The following PTPRR variants were observed in gnomAD, a reference collection of about 807,000 sequenced individuals.
The protein encoded by PTPRR is protein tyrosine phosphatase receptor type R, also known as receptor-type tyrosine-protein phosphatase R.
In PTPRR, 38 loss-of-function variants were observed where a neutral mutation model predicts 77.2. The observed-to-expected ratio is 0.49, with a 90% CI of 0.38 to 0.65. The LOEUF (loss-of-function observed/expected upper bound fraction) is 0.65, where lower values mean the gene tolerates loss of function less well. Ranked by LOEUF, PTPRR falls within the 30% of genes least tolerant of loss-of-function variation. PTPRR has a pLI of 0.00. For synonymous variants in PTPRR, 299 were observed against 283.1 expected, an observed-to-expected ratio of 1.06 and a Z score of -0.57; for missense variants, 744 against 799.2, an observed-to-expected ratio of 0.93 and a Z score of 0.83.
In PTPRR at chr12:70,742,791, T is replaced by G. The variant is rs981687349; in HGVS notation, c.1007+3027A>C. 2.0e-5 allele frequency among the ~76,000 whole-genome samples: 3 copies of G among 151,884 alleles called. No homozygotes were observed. The South Asian group carries it at 6.2e-4, about 32-fold the overall frequency. On this transcript the variant is annotated intron_variant, in intron 6 of 13. Coordinates refer to ENST00000283228, the MANE Select transcript of PTPRR (RefSeq NM_002849.4). The stretch of plus-strand genomic sequence containing the variant: ...GATTGGGGTTGGACGGGGGAAACAG[T>G]TGGGAGAAGGTGCCAGGTCTTCATA...
chr12:70,881,060 T>A (rs1490080406), intron 2 of PTPRR, among the ~76,000 whole-genome samples: 1 of 152,152 alleles, frequency 6.6e-6, no homozygotes, highest in Non-Finnish European at 1.5e-5. Flanking sequence ...TAGCAGCCCA[T>A]TCAAGTAGAT....
At chr12:70,656,524 G>A (rs1354584599) in intron 13 of PTPRR, among the ~76,000 whole-genome samples, 180 bp downstream of exon 13, 1 of 152,086 alleles carries the variant, frequency 6.6e-6, no homozygotes, top group East Asian at 1.9e-4. Context: ...GCAAGACCTT[G>A]TCTCAAAAAA....
chr12:70,766,496 A>C (rs1008959057), intron 2 of PTPRR, among the ~76,000 whole-genome samples: 2 of 152,156 alleles, frequency 1.3e-5, no homozygotes, highest in East Asian at 3.9e-4. Context: ...CAAAGCCTCC[A>C]AGAAATATGG....
At chr12:70,884,217 A>G (rs762338958) in intron 2 of PTPRR, among the ~76,000 whole-genome samples, 6 of 152,184 alleles carry the variant, frequency 3.9e-5, no homozygotes, top group Non-Finnish European at 7.3e-5. Context: ...AAACCTAAGC[A>G]TTTTGCTAAG....
intron 2 of PTPRR, among the ~76,000 whole-genome samples, chr12:70,843,272 G>C (rs768247240): frequency 1.1e-4 from 16 of 152,264 alleles, no homozygotes; most frequent in Admixed American, 5.9e-4. Context: ...CTCTGGTTAT[G>C]GTTCCTCTTA....
chr12:70,803,015 C>T (rs1197730842), intron 2 of PTPRR, among the ~76,000 whole-genome samples: 1 of 152,104 alleles, frequency 6.6e-6, no homozygotes, highest in East Asian at 1.9e-4. Context: ...TACATGCCCA[C>T]ATAGAATAGA....
intron 4 of PTPRR, among the ~76,000 whole-genome samples, chr12:70,755,654 T>C (rs1204962314): frequency 6.6e-6 from 1 of 152,194 alleles, no homozygotes; most frequent in Non-Finnish European, 1.5e-5. Flanking sequence ...GAATAGTATC[T>C]GGCCTACTTT....
intron 4 of PTPRR, 76 bp from the exon 5 acceptor site, chr12:70,754,377 T>G: frequency 6.3e-7 from 1 of 1,593,158 alleles, no homozygotes; most frequent in Non-Finnish European, 8.5e-7. Flanking sequence ...ACACTAAACA[T>G]ATTTTTAGCC....
chr12:70,886,543 C>T (rs1168366444), intron 2 of PTPRR, among the ~76,000 whole-genome samples: 1 of 151,868 alleles, frequency 6.6e-6, no homozygotes, highest in East Asian at 1.9e-4. Context: ...ATTTTGAATC[C>T]TGGGAATAGA....
chr12:70,833,651 G>C (rs2221908), intron 2 of PTPRR, among the ~76,000 whole-genome samples: 3,253 of 152,246 alleles, frequency 0.021, 110 homozygotes, highest in African/African-American at 0.074. Flanking sequence ...GCCTCAATTG[G>C]TGGGTACAAA....
chr12:70,824,278 A>G (rs1411380627), intron 2 of PTPRR, among the ~76,000 whole-genome samples: 1 of 152,208 alleles, frequency 6.6e-6, no homozygotes, highest in Non-Finnish European at 1.5e-5. Context: ...GGCACCTACC[A>G]TATAGTAATC....
chr12:70,919,774 C>A (rs547825653), intron 1 of PTPRR, among the ~76,000 whole-genome samples: 2 of 147,018 alleles, frequency 1.4e-5, no homozygotes, highest in African/African-American at 5.0e-5. Context: ...CCTTTTCTTC[C>A]TCTTATTGGC....
At chr12:70,672,905 C>A in intron 10 of PTPRR, 1 of 1,540,490 alleles carries the variant, frequency 6.5e-7, no homozygotes, top group Non-Finnish European at 8.8e-7. Context: ...GGCATCTGCT[C>A]CCACTCAGCT....
intron 6 of PTPRR, among the ~76,000 whole-genome samples, chr12:70,725,943 G>A (rs958446899): frequency 3.9e-5 from 6 of 151,998 alleles, no homozygotes; most frequent in South Asian, 2.1e-4. Context: ...ACATTACTGC[G>A]CCTGTTGAAC....
chr12:70,829,443 T>C (rs1352715570), intron 2 of PTPRR, among the ~76,000 whole-genome samples: 1 of 152,166 alleles, frequency 6.6e-6, no homozygotes, highest in Non-Finnish European at 1.5e-5. Flanking sequence ...TGTGAGATGA[T>C]GAAGCATCTG....
At chr12:70,830,935 A>G (rs149023057) in intron 2 of PTPRR, among the ~76,000 whole-genome samples, 108 of 152,360 alleles carry the variant, frequency 7.1e-4, no homozygotes, top group African/African-American at 2.5e-3. Context: ...ACGAATATTC[A>G]GTACCTAGCA....
At chr12:70,901,768 A>G (rs1472801096) in intron 1 of PTPRR, among the ~76,000 whole-genome samples, 1 of 151,696 alleles carries the variant, frequency 6.6e-6, no homozygotes, top group Non-Finnish European at 1.5e-5. Context: ...CTTAATCATT[A>G]ATTTAATTAT....
At chr12:70,669,874 A>G (rs1566056758) in intron 10 of PTPRR, among the ~76,000 whole-genome samples, 1 of 152,186 alleles carries the variant, frequency 6.6e-6, no homozygotes, top group Non-Finnish European at 1.5e-5. Context: ...TGCTGGGATT[A>G]CAATGGAACA....
intron 13 of PTPRR, among the ~76,000 whole-genome samples, chr12:70,644,705 C>A (rs1886133709): frequency 6.6e-6 from 1 of 152,132 alleles, no homozygotes; most frequent in South Asian, 2.1e-4. Context: ...ACCATCTGGT[C>A]AAATAGGACT....
Sources: allele counts gnomAD v4.1 joint callset (sites outside exome capture counted in the v4.1 genomes callset), GRCh38; gene constraint gnomAD v4.1.1; transcripts MANE v1.5; gene names NCBI Gene and HGNC (gene_info 2026-07-23, HGNC 2026-07-21).